Variants in CORIN observed in about 807,000 individuals in gnomAD.
CORIN encodes the protein corin, serine peptidase, also known as atrial natriuretic peptide-converting enzyme.
A neutral mutation model predicts 125.3 loss-of-function variants in CORIN; 117 were observed. The ratio of observed to expected loss-of-function variants is 0.93; its 90% confidence interval spans 0.80 to 1.09. CORIN has a LOEUF of 1.09. Ranked by LOEUF, CORIN falls within the 50% of genes least tolerant of loss-of-function variation. The pLI, the probability that CORIN is intolerant of heterozygous loss-of-function variation, is 0.00. For synonymous variants in CORIN, 450 were observed against 466.4 expected, an observed-to-expected ratio of 0.96 and a Z score of 0.45; for missense variants, 1,253 against 1,306.7, an observed-to-expected ratio of 0.96 and a Z score of 0.63.
intron 1 of CORIN, among the ~76,000 whole-genome samples, chr4:47,836,599 C>A (rs1283582398): frequency 1.3e-5 from 2 of 152,142 alleles, no homozygotes; most frequent in East Asian, 3.9e-4. Context: ...GTCTTCGCAG[C>A]GCATCGTTCT....
intron 2 of CORIN, chr4:47,790,288 G>C (rs963866531): frequency 6.1e-6 from 4 of 656,684 alleles, no homozygotes; most frequent in Non-Finnish European, 7.5e-6. Flanking sequence ...CCCCCGACTG[G>C]CCTGCGCACT....
At chr4:47,789,074 A>T (rs1177063069) in intron 2 of CORIN, among the ~76,000 whole-genome samples, 2 of 152,156 alleles carry the variant, frequency 1.3e-5, no homozygotes, top group Non-Finnish European at 2.9e-5. Context: ...AGGCCGAGGC[A>T]GGTGGATCAC....
chr4:47,623,972 T>A (rs1160653233), intron 17 of CORIN, 24 bp from the exon 18 acceptor site: 4 of 1,599,412 alleles, frequency 2.5e-6, no homozygotes, highest in Non-Finnish European at 3.4e-6. Flanking sequence ...CATAAAATGG[T>A]ATAACATTAA....
chr4:47,786,588 A>C (rs1730825196), intron 3 of CORIN, 137 bp downstream of exon 3: 1 of 670,380 alleles, frequency 1.5e-6, no homozygotes, highest in Non-Finnish European at 2.6e-6. Context: ...GCACTCAGCT[A>C]CGCTTACCAG....
chr4:47,632,725 T>TGATAGATAGATAGATAGATA (rs1553905875), intron 16 of CORIN, among the ~76,000 whole-genome samples: 37 of 126,762 alleles, frequency 2.9e-4, no homozygotes, highest in Non-Finnish European at 4.1e-4. Flanking sequence ...TGACAATAGA[T>TGATAGATAGATAGATAGATA]GATAGATAGA....
At chr4:47,696,712 C>T (rs995520352) in intron 5 of CORIN, among the ~76,000 whole-genome samples, 25 of 152,242 alleles carry the variant, frequency 1.6e-4, no homozygotes, top group Middle Eastern at 3.4e-3. Flanking sequence ...AGAGTACATA[C>T]CCAAAGGATG....
chr4:47,745,830 T>A (rs1333306069), intron 4 of CORIN, among the ~76,000 whole-genome samples: 1 of 152,194 alleles, frequency 6.6e-6, no homozygotes. Flanking sequence ...AGGGCAGAGA[T>A]CTTTGTACAT....
chr4:47,636,345 T>G (rs538369034), intron 16 of CORIN, among the ~76,000 whole-genome samples: 31 of 152,318 alleles, frequency 2.0e-4, no homozygotes, highest in African/African-American at 7.0e-4. Flanking sequence ...TACCAGATGT[T>G]TCAACTGAGC....
intron 19 of CORIN, among the ~76,000 whole-genome samples, chr4:47,603,921 C>A (rs1721547439): frequency 6.6e-6 from 1 of 152,104 alleles, no homozygotes; most frequent in South Asian, 2.1e-4. Context: ...GTTTTAAAGG[C>A]AGGCAGAGTT....
rs551696091 is a variant in CORIN at position 47,691,497 on chromosome 4, G to A, written c.913+1473C>T. The stretch of plus-strand genomic sequence containing the variant: ...ACACAAATTTCTTACTGAAAAGAAC[G>A]TTTCCTGAAATATGCGTGGCATAAT... On this transcript the variant is annotated intron_variant, in intron 6 of 21. Transcript: ENST00000273857. Among the ~76,000 whole-genome samples the A allele has an allele frequency of 9.1e-4, 138 of 152,240 alleles. 1 individual carries two copies. The highest frequency in any genetic ancestry group is 4.4e-3 in the South Asian group (21 of 4,824).
chr4:47,667,122 T>A (rs1037589040), intron 10 of CORIN, among the ~76,000 whole-genome samples: 1 of 152,208 alleles, frequency 6.6e-6, no homozygotes, highest in African/African-American at 2.4e-5. Context: ...CTGATGATTT[T>A]ATAAGGGGTT....
intron 7 of CORIN, chr4:47,682,441 C>CAAAAAAAAAAA (rs773064763): frequency 1.5e-5 from 1 of 64,788 alleles, no homozygotes; most frequent in Non-Finnish European, 2.6e-5. Flanking sequence ...GACTCCATCT[C>CAAAAAAAAAAA]AAAAAAAAAA....
chr4:47,723,657 T>C (rs2109801848), intron 5 of CORIN, among the ~76,000 whole-genome samples: 1 of 152,252 alleles, frequency 6.6e-6, no homozygotes, highest in East Asian at 1.9e-4. Context: ...AATATCATAA[T>C]ATTTTCAAAA....
At chr4:47,648,161 T>C (rs1416835224) in intron 13 of CORIN, among the ~76,000 whole-genome samples, 1 of 152,178 alleles carries the variant, frequency 6.6e-6, no homozygotes, top group Non-Finnish European at 1.5e-5. Context: ...ATGTTTTAAA[T>C]GTATATTCTA....
intron 2 of CORIN, among the ~76,000 whole-genome samples, chr4:47,798,933 A>G (rs183276384): frequency 2.2e-4 from 34 of 151,790 alleles, no homozygotes; most frequent in African/African-American, 7.5e-4. Context: ...TATTGTTCCC[A>G]TCTTTATGAC....
At chr4:47,698,666 A>G (rs1726148304) in intron 5 of CORIN, among the ~76,000 whole-genome samples, 1 of 152,128 alleles carries the variant, frequency 6.6e-6, no homozygotes, top group South Asian at 2.1e-4. Context: ...TAGGGGGACA[A>G]GGGAAGAAGT....
At chr4:47,731,899 GTTGT>G (rs1316907715) in intron 5 of CORIN, among the ~76,000 whole-genome samples, 3 of 151,904 alleles carry the variant, frequency 2.0e-5, no homozygotes, top group African/African-American at 7.3e-5. Context: ...ATTAGCAAAT[GTTGT>G]TGGAGGTCAA....
intron 6 of CORIN, among the ~76,000 whole-genome samples, chr4:47,684,856 C>T (rs1004346318): frequency 4.6e-5 from 7 of 151,850 alleles, no homozygotes; most frequent in East Asian, 1.9e-4. Context: ...GACATAAAAA[C>T]ACATGAAAAG....
intron 6 of CORIN, among the ~76,000 whole-genome samples, chr4:47,688,937 T>A: frequency 6.6e-6 from 1 of 152,250 alleles, no homozygotes; most frequent in East Asian, 1.9e-4. Flanking sequence ...TTATTATAGA[T>A]ACAGTCATTT....
Sources: allele counts gnomAD v4.1 joint callset (sites outside exome capture counted in the v4.1 genomes callset), GRCh38; gene constraint gnomAD v4.1.1; transcripts MANE v1.5; gene names NCBI Gene and HGNC (gene_info 2026-07-23, HGNC 2026-07-21).